COBL: variants seen among roughly 807,000 people sequenced by gnomAD.
COBL encodes cordon-bleu WH2 repeat protein.
In COBL, 51 loss-of-function variants were observed where a neutral mutation model predicts 98.8. The observed-to-expected ratio is 0.52, with a 90% CI of 0.41 to 0.65. The LOEUF is 0.65. Among genes scored for constraint, COBL ranks in the 30% least tolerant of loss-of-function variants. The probability of loss-of-function intolerance (pLI) is 0.00; values close to 1 mark genes in which losing one functional copy is unlikely to be tolerated. For missense variants in COBL, 1,617 were observed against 1,617.5 expected, an observed-to-expected ratio of 1.00 and a Z score of 0.01; for synonymous variants, 634 against 651.7, an observed-to-expected ratio of 0.97 and a Z score of 0.41.
At chr7:51,246,673 A>C (rs1796294368) in intron 1 of COBL, among the ~76,000 whole-genome samples, 1 of 152,246 alleles carries the variant, frequency 6.6e-6, no homozygotes, top group Non-Finnish European at 1.5e-5. Flanking sequence ...ATGAAGCATT[A>C]TAATGTTTAT....
chr7:51,192,410 C>G (rs370428090), intron 3 of COBL, among the ~76,000 whole-genome samples: 31 of 152,260 alleles, frequency 2.0e-4, no homozygotes, highest in African/African-American at 7.5e-4. Flanking sequence ...GAGTTCAAGA[C>G]CAGACTGGCC....
intron 1 of COBL, among the ~76,000 whole-genome samples, chr7:51,229,069 G>GC (rs1021423031): frequency 6.6e-6 from 1 of 152,032 alleles, no homozygotes; most frequent in East Asian, 1.9e-4. Flanking sequence ...GGTTTGCTTT[G>GC]CCCCCTAAAA....
intron 6 of COBL, among the ~76,000 whole-genome samples, chr7:51,106,276 A>G (rs1796262354): frequency 1.3e-5 from 2 of 151,864 alleles, no homozygotes; most frequent in South Asian, 4.2e-4. Flanking sequence ...TGAACCTTAC[A>G]TGTTCCTGTA....
intron 5 of COBL, among the ~76,000 whole-genome samples, chr7:51,177,681 G>A (rs1192213911): frequency 1.3e-5 from 2 of 151,856 alleles, no homozygotes; most frequent in African/African-American, 4.8e-5. Flanking sequence ...GCTGAGGCAG[G>A]AGAATCACTT....
chr7:51,297,391 C>CCT (rs1801510245), intron 1 of COBL, among the ~76,000 whole-genome samples: 1 of 119,280 alleles, frequency 8.4e-6, no homozygotes, highest in Non-Finnish European at 1.7e-5. Context: ...TTTTGAAAAT[C>CCT]TTTTTTTTTT....
intron 6 of COBL, among the ~76,000 whole-genome samples, chr7:51,097,709 A>G (rs11238429): frequency 0.39 from 59,055 of 151,958 alleles, 11,980 homozygotes; most frequent in African/African-American, 0.51. Context: ...GTTGCATTAA[A>G]AATAATAAAA....
At chr7:51,309,212 G>C (rs1357594104) in intron 1 of COBL, among the ~76,000 whole-genome samples, 3 of 152,112 alleles carry the variant, frequency 2.0e-5, no homozygotes, top group Non-Finnish European at 4.4e-5. Flanking sequence ...TGGGCCAAGG[G>C]GACATGAGCA....
chr7:51,270,708 TA>T (rs1390486577), intron 1 of COBL, among the ~76,000 whole-genome samples: 1 of 152,072 alleles, frequency 6.6e-6, no homozygotes, highest in Admixed American at 6.5e-5. Context: ...ATACGGACAC[TA>T]AAGTTATGCA....
chr7:51,261,186 C>T (rs1797683621), intron 1 of COBL, among the ~76,000 whole-genome samples: 1 of 152,226 alleles, frequency 6.6e-6, no homozygotes, highest in South Asian at 2.1e-4. Flanking sequence ...AGCAAAACCT[C>T]CTCAAAGAAG....
At chr7:51,107,746 C>T (rs2128972474) in intron 6 of COBL, among the ~76,000 whole-genome samples, 1 of 152,190 alleles carries the variant, frequency 6.6e-6, no homozygotes, top group Non-Finnish European at 1.5e-5. Flanking sequence ...CCAAAGAGGC[C>T]CTTAGAGGCA....
chr7:51,108,217 GC>G (rs1796486378), intron 6 of COBL, among the ~76,000 whole-genome samples: 1 of 152,132 alleles, frequency 6.6e-6, no homozygotes, highest in African/African-American at 2.4e-5. Context: ...CCTGACAGCA[GC>G]CACTCTCCTG....
chr7:51,117,929 C>T (rs1164701496), intron 6 of COBL, among the ~76,000 whole-genome samples: 1 of 152,196 alleles, frequency 6.6e-6, no homozygotes, highest in Non-Finnish European at 1.5e-5. Context: ...AATCTCAGTT[C>T]AGCTCTTTAG....
At chr7:51,144,679 C>T (rs1172187513) in intron 5 of COBL, among the ~76,000 whole-genome samples, 9 of 152,142 alleles carry the variant, frequency 5.9e-5, no homozygotes, top group Non-Finnish European at 8.8e-5. Context: ...GACCTTGTAC[C>T]CATTAAGCAG....
intron 9 of COBL, among the ~76,000 whole-genome samples, chr7:51,030,012 G>A (rs1787994057): frequency 6.6e-6 from 1 of 152,222 alleles, no homozygotes; most frequent in South Asian, 2.1e-4. Context: ...TAAGGAAGCA[G>A]ATGACTAAAT....
At chr7:51,030,455 C>T (rs1457574674) in intron 9 of COBL, among the ~76,000 whole-genome samples, 2 of 152,126 alleles carry the variant, frequency 1.3e-5, no homozygotes, top group Non-Finnish European at 2.9e-5. Flanking sequence ...ACAGATATGC[C>T]ATATATCAAC....
At chr7:51,274,734 TC>T (rs1799127347) in intron 1 of COBL, among the ~76,000 whole-genome samples, 1 of 152,230 alleles carries the variant, frequency 6.6e-6, no homozygotes, top group Non-Finnish European at 1.5e-5. Context: ...AACTCCAAGT[TC>T]AGGGATGCCA....
intron 7 of COBL, among the ~76,000 whole-genome samples, chr7:51,052,965 CTCTCTGA>C (rs1790379119): frequency 6.6e-6 from 1 of 152,114 alleles, no homozygotes; most frequent in South Asian, 2.1e-4. Flanking sequence ...ACACAGCATC[CTCTCTGA>C]TCCCTTTGGC....
chr7:51,289,765 C>T (rs1241239109), intron 1 of COBL, among the ~76,000 whole-genome samples: 1 of 152,236 alleles, frequency 6.6e-6, no homozygotes, highest in Non-Finnish European at 1.5e-5. Context: ...AAAACAATGA[C>T]GCCTCCTTTG....
intron 8 of COBL, among the ~76,000 whole-genome samples, chr7:51,041,269 C>T (rs1022121115): frequency 6.6e-6 from 1 of 151,944 alleles, no homozygotes; most frequent in Non-Finnish European, 1.5e-5. Flanking sequence ...ATGTGTATAA[C>T]AACATGGGGA....
Sources: allele counts gnomAD v4.1 joint callset (sites outside exome capture counted in the v4.1 genomes callset), GRCh38; gene constraint gnomAD v4.1.1; transcripts MANE v1.5; gene names NCBI Gene and HGNC (gene_info 2026-07-23, HGNC 2026-07-21).